The following SYNE3 variants were observed in gnomAD, a reference collection of about 807,000 sequenced individuals.
The protein encoded by SYNE3 is spectrin repeat containing nuclear envelope family member 3.
SYNE3 carries 100 observed loss-of-function variants against 111.2 expected under a neutral mutation model. That is an observed-to-expected ratio of 0.90 (90% CI 0.77 to 1.06). The LOEUF is 1.06. Ranked by LOEUF, SYNE3 falls within the 50% of genes least tolerant of loss-of-function variation. The pLI, the probability that SYNE3 is intolerant of heterozygous loss-of-function variation, is 0.00. For missense variants in SYNE3, 1,160 were observed against 1,240.3 expected (o/e 0.94, Z 0.97); for synonymous variants, 547 against 533.9 (o/e 1.02, Z -0.34).
chr14:95,513,787 C>A (rs1890811952), intron 1 of SYNE3, among the ~76,000 whole-genome samples: 1 of 112,714 alleles, frequency 8.9e-6, no homozygotes, highest in Non-Finnish European at 1.8e-5. Context: ...AATCCATATT[C>A]TTTTCCAGCA....
intron 1 of SYNE3, among the ~76,000 whole-genome samples, chr14:95,491,665 CGCAATGGTTTCTTAGATGTGATA>C (rs1889855420): frequency 6.6e-6 from 1 of 151,572 alleles, no homozygotes; most frequent in African/African-American, 2.4e-5. Flanking sequence ...CCTTGGAATA[CGCAATGGTTTCTTAGATGTGATA>C]GCAAAGGCAC....
In SYNE3 at chr14:95,417,697, C is replaced by T. The variant is rs750238293; in HGVS notation, c.*129G>A. 1 of 959,552 alleles carries T rather than the reference C, an allele frequency of 1.0e-6. No individual in the cohort carries two copies. 59.4% of individuals were successfully genotyped at this position (959,552 alleles called of 1,614,324 possible). On this transcript the variant is annotated 3_prime_UTR_variant, in exon 18 of 18. Coordinates refer to ENST00000682763, the MANE Select transcript of SYNE3 (RefSeq NM_152592.6). ...GTGTCTTCTGGGAACGCTGACACAG[C>T]ACTGATATGGATGCAGCTCTGCAGT...
chr14:95,424,556 C>T (rs1302211893), intron 17 of SYNE3, among the ~76,000 whole-genome samples: 9 of 152,194 alleles, frequency 5.9e-5, no homozygotes, highest in Non-Finnish European at 7.3e-5. Flanking sequence ...TCTCTAAGGG[C>T]GGCCATTCTT....
At chr14:95,505,357 G>A (rs1162863083) in intron 1 of SYNE3, among the ~76,000 whole-genome samples, 2 of 152,176 alleles carry the variant, frequency 1.3e-5, no homozygotes, top group African/African-American at 4.8e-5. Flanking sequence ...AGCCACACCG[G>A]GAAACCCTGC....
In SYNE3 at chr14:95,407,705, A is replaced by C. The variant is rs529914324; in HGVS notation, c.*10121T>G. On this transcript the variant is annotated 3_prime_UTR_variant, in exon 18 of 18. Transcript: ENST00000682763. ...AATGTGTTTGTCTTTGACATCAAAA[A>C]TCATTTATGCAGCATCTACATGCAC... The C allele has an allele frequency of 6.6e-6, 1 of 152,334 alleles. No homozygotes were observed. The highest frequency in any genetic ancestry group is 1.9e-4 in the East Asian group (1 of 5,188). The allele number at this position is 152,334 out of a possible 1,614,324, so 9.4% of individuals were successfully genotyped here. A position where few individuals can be genotyped will look rare whatever the true frequency, so the allele number is the denominator to read the frequency against.
intron 4 of SYNE3, among the ~76,000 whole-genome samples, chr14:95,463,274 T>A (rs1311199226): frequency 6.6e-6 from 1 of 152,236 alleles, no homozygotes; most frequent in African/African-American, 2.4e-5. Flanking sequence ...TGATAAGAGC[T>A]GTGATGTCTA....
intron 6 of SYNE3, among the ~76,000 whole-genome samples, chr14:95,454,789 G>C (rs1473552542): frequency 6.6e-6 from 1 of 152,200 alleles, no homozygotes; most frequent in Non-Finnish European, 1.5e-5. Flanking sequence ...AATAAAGACA[G>C]AGGTGGGGAG....
At chr14:95,438,617 C>G (rs1466577909) in intron 14 of SYNE3, 1 of 173,398 alleles carries the variant, frequency 5.8e-6, no homozygotes, top group Admixed American at 5.5e-5. Flanking sequence ...CCACAAAGCT[C>G]AAGTTTGTTT....
At chr14:95,466,626 C>T (rs912571807) in intron 3 of SYNE3, among the ~76,000 whole-genome samples, 3 of 152,216 alleles carry the variant, frequency 2.0e-5, no homozygotes, top group African/African-American at 7.2e-5. Flanking sequence ...TTCTCTTTGG[C>T]ACTGGGGCTC....
intron 2 of SYNE3, among the ~76,000 whole-genome samples, chr14:95,472,798 A>C (rs1210189321): frequency 6.6e-6 from 1 of 152,168 alleles, no homozygotes; most frequent in African/African-American, 2.4e-5. Context: ...AGGATTCTGG[A>C]GTTTCCCTTA....
chr14:95,488,356 T>C (rs1348328849), intron 1 of SYNE3, among the ~76,000 whole-genome samples: 14 of 152,222 alleles, frequency 9.2e-5, no homozygotes, highest in Admixed American at 3.3e-4. Context: ...TGTTCCTTTT[T>C]GTTACTGAGT....
chr14:95,454,904 G>T (rs1887314374), intron 6 of SYNE3, among the ~76,000 whole-genome samples: 1 of 152,160 alleles, frequency 6.6e-6, no homozygotes, highest in African/African-American at 2.4e-5. Flanking sequence ...TCATGTCGGG[G>T]TCTGGGAAGC....
intron 1 of SYNE3, among the ~76,000 whole-genome samples, chr14:95,499,854 G>GTTTTT (rs1890259277): frequency 1.9e-4 from 10 of 53,748 alleles, no homozygotes; most frequent in South Asian, 6.7e-4. Context: ...ACTAACTCTT[G>GTTTTT]TCTTTTTTTT....
chr14:95,449,346 T>C (rs1241251842), intron 8 of SYNE3: 5 of 809,708 alleles, frequency 6.2e-6, no homozygotes, highest in Non-Finnish European at 7.5e-6. Context: ...GAGGGGAGTG[T>C]GCGGGTGTCA....
In SYNE3 at chr14:95,455,842, A is replaced by G. The variant is rs540045422; in HGVS notation, c.790-118T>C. ...ACACTGATTCCTGGAGTCCTGCGTTAGAGCCAGAGAGGGGCCTTCCCAAGG... is the reference window on the plus strand; with the variant it reads ...ACACTGATTCCTGGAGTCCTGCGTTGGAGCCAGAGAGGGGCCTTCCCAAGG... On this transcript the variant is annotated intron_variant, in intron 5 of 17. Transcript: ENST00000682763. 5.3e-5 allele frequency: 54 copies of G among 1,022,712 alleles called. No individual in the cohort carries two copies. In the South Asian group the frequency reaches 7.7e-4, roughly 15 times the overall value. 63.4% of individuals were successfully genotyped at this position (1,022,712 alleles called of 1,614,324 possible).
chr14:95,506,845 G>A (rs1344477920), intron 1 of SYNE3, among the ~76,000 whole-genome samples: 2 of 152,164 alleles, frequency 1.3e-5, no homozygotes, highest in Non-Finnish European at 2.9e-5. Context: ...GAGGTTATGT[G>A]ACTTGCCACA....
Position 95,457,253 on chromosome 14 carries a change from G to T in SYNE3, c.713C>A (p.Ala238Glu), listed in dbSNP as rs201962564. ...GCAGCCATTCACCTTCTCCACCACCGCCTTCAGCCACAGTTGGAACTCGTC... is the reference window on the plus strand; with the variant it reads ...GCAGCCATTCACCTTCTCCACCACCTCCTTCAGCCACAGTTGGAACTCGTC... ...GVDEFQLWLK[A>E]VVEKVNGCLG... Residue 238 changes from alanine to glutamate, a missense_variant, in exon 5 of 18, where the codon GCG becomes GAG. Coordinates refer to ENST00000682763, the MANE Select transcript of SYNE3 (RefSeq NM_152592.6). The T allele has an allele frequency of 2.1e-4, 343 of 1,614,080 alleles. 2 individuals carry two copies. The East Asian group carries it at 6.4e-3, about 30-fold the overall frequency.
At position 95,476,823 on chromosome 14, in the gene SYNE3, A is replaced by G. The variant is rs78492207; in HGVS notation, c.-14-988T>C. Reference sequence around the variant, plus strand: ...TGAGCCCAGAATGGGTATAAAGTTTAACACATCAAAAAACTCAACATGGCA... The same window carrying G: ...TGAGCCCAGAATGGGTATAAAGTTTGACACATCAAAAAACTCAACATGGCA... On this transcript the variant is annotated intron_variant, in intron 1 of 17. Transcript: ENST00000682763. Among the ~76,000 whole-genome samples, 1,180 of 152,374 alleles carry G rather than the reference A, an allele frequency of 7.7e-3. 17 individuals carry two copies. Among genetic ancestry groups the G allele is most frequent in the African/African-American group, 0.026 (1,100 of 41,590 alleles).
intron 2 of SYNE3, among the ~76,000 whole-genome samples, chr14:95,469,624 T>A (rs1210122688): frequency 6.6e-6 from 1 of 151,540 alleles, no homozygotes; most frequent in African/African-American, 2.4e-5. Context: ...TGTGGGAGGA[T>A]CGCTTGAGCT....
Sources: allele counts gnomAD v4.1 joint callset (sites outside exome capture counted in the v4.1 genomes callset), GRCh38; gene constraint gnomAD v4.1.1; transcripts MANE v1.5; gene names NCBI Gene and HGNC (gene_info 2026-07-23, HGNC 2026-07-21).